The following MIR2052HG variants were observed in gnomAD, a reference collection of about 807,000 sequenced individuals.
MIR2052HG encodes MIR2052 host gene.
chr8:74,719,076 CTT>C (rs56242876), intron 4 of MIR2052HG, among the ~76,000 whole-genome samples: 1,447 of 144,440 alleles, frequency 0.01, 15 homozygotes, highest in African/African-American at 0.028. Context: ...CCGTGTACAT[CTT>C]TTTTTTTTTT....
chr8:74,651,122 C>T (rs933166194), intron 2 of MIR2052HG, among the ~76,000 whole-genome samples: 2 of 148,428 alleles, frequency 1.3e-5, no homozygotes. Context: ...GTAATAAATT[C>T]TTTTTTTTTT....
chr8:74,615,402 C>T (rs1262970039), intron 2 of MIR2052HG, among the ~76,000 whole-genome samples: 1 of 152,208 alleles, frequency 6.6e-6, no homozygotes, highest in African/African-American at 2.4e-5. Context: ...TCATCCCCAT[C>T]TTGAAGATGA....
At chr8:74,673,088 GA>G (rs944151247) in intron 2 of MIR2052HG, among the ~76,000 whole-genome samples, 3 of 151,826 alleles carry the variant, frequency 2.0e-5, no homozygotes, top group Admixed American at 6.6e-5. Context: ...GAGGCAAAAA[GA>G]AAAAAAACAT....
At chr8:74,660,826 A>AT (rs1396744661) in intron 2 of MIR2052HG, among the ~76,000 whole-genome samples, 2 of 77,806 alleles carry the variant, frequency 2.6e-5, no homozygotes, top group African/African-American at 2.1e-4. Flanking sequence ...TAAAAAAGTA[A>AT]TCTTGCTTTC....
chr8:74,680,428 A>T (rs1809110259), intron 2 of MIR2052HG, among the ~76,000 whole-genome samples: 1 of 152,174 alleles, frequency 6.6e-6, no homozygotes, highest in South Asian at 2.1e-4. Flanking sequence ...TTCTCAAAAG[A>T]AGACATTTAT....
chr8:74,667,732 C>G (rs1808946759), intron 2 of MIR2052HG, among the ~76,000 whole-genome samples: 3 of 152,022 alleles, frequency 2.0e-5, no homozygotes, highest in African/African-American at 7.2e-5. Context: ...GTACCAAAGC[C>G]ACAGCTTTAA....
At position 74,702,237 on chromosome 8, in the gene MIR2052HG, C is replaced by T. The variant is rs76687183; in HGVS notation, n.217-142C>T. Reference sequence around the variant, plus strand: ...TGTCAAATGCCTTTATAGGAGTTCACAGAAATGCCAGGTCTTCCATGTGAA... The same window carrying T: ...TGTCAAATGCCTTTATAGGAGTTCATAGAAATGCCAGGTCTTCCATGTGAA... On this transcript the variant is annotated intron_variant and non_coding_transcript_variant, in intron 2 of 6. Coordinates refer to ENST00000523442, the Ensembl canonical transcript of MIR2052HG. The T allele has an allele frequency of 9.4e-3, 1,848 of 197,524 alleles. 38 individuals are homozygous for T. Among genetic ancestry groups the T allele is most frequent in the African/African-American group, 0.04 (1,728 of 42,682 alleles). 12.2% of individuals were successfully genotyped at this position (197,524 alleles called of 1,614,324 possible). A position where few individuals can be genotyped will look rare whatever the true frequency, so the allele number is the denominator to read the frequency against.
intron 2 of MIR2052HG, among the ~76,000 whole-genome samples, chr8:74,650,192 T>C (rs1212372864): frequency 1.3e-5 from 2 of 152,184 alleles, no homozygotes. Flanking sequence ...AATCAGGATA[T>C]GTAAAGGCAG....
intron 2 of MIR2052HG, among the ~76,000 whole-genome samples, chr8:74,689,198 G>T (rs986653978): frequency 6.6e-6 from 1 of 151,898 alleles, no homozygotes; most frequent in African/African-American, 2.4e-5. Flanking sequence ...AAAACGTTTG[G>T]GACAATAGAG....
chr8:74,727,018 A>T (rs750524493), intron 4 of MIR2052HG, among the ~76,000 whole-genome samples: 9 of 152,308 alleles, frequency 5.9e-5, no homozygotes, highest in Non-Finnish European at 1.0e-4. Context: ...ATTGGGAAAA[A>T]ATCCCGTCTG....
At chr8:74,747,814 T>C (rs1809902302) in intron 4 of MIR2052HG, among the ~76,000 whole-genome samples, 1 of 152,190 alleles carries the variant, frequency 6.6e-6, no homozygotes, top group South Asian at 2.1e-4. Context: ...TTTAGTTCTA[T>C]GTCCTTTTCA....
At chr8:74,745,738 A>T (rs764763962) in intron 4 of MIR2052HG, among the ~76,000 whole-genome samples, 1 of 152,216 alleles carries the variant, frequency 6.6e-6, no homozygotes, top group Non-Finnish European at 1.5e-5. Context: ...ATTTCCTCAT[A>T]TGGGAAACCG....
At chr8:74,617,456 GGTGTGTGTGT>G (rs61474557) in intron 2 of MIR2052HG, among the ~76,000 whole-genome samples, 10,925 of 147,324 alleles carry the variant, frequency 0.074, 454 homozygotes, top group South Asian at 0.088. Context: ...TATTCCATTG[GGTGTGTGTGT>G]GTGTGTGTGT....
At chr8:74,626,114 T>C (rs1295021475) in intron 2 of MIR2052HG, among the ~76,000 whole-genome samples, 1 of 152,186 alleles carries the variant, frequency 6.6e-6, no homozygotes, top group African/African-American at 2.4e-5. Flanking sequence ...GGACAACAGC[T>C]GTTGAAGTGG....
intron 2 of MIR2052HG, among the ~76,000 whole-genome samples, chr8:74,616,033 TC>T (rs1017451778): frequency 2.5e-4 from 38 of 152,298 alleles, no homozygotes; most frequent in African/African-American, 8.9e-4. Flanking sequence ...TTGGGTTGGT[TC>T]CAAGTCTTTG....
chr8:74,615,351 A>C (rs1487994785), intron 2 of MIR2052HG, among the ~76,000 whole-genome samples: 2 of 152,160 alleles, frequency 1.3e-5, no homozygotes, highest in Non-Finnish European at 2.9e-5. Context: ...CCTTTCATAG[A>C]ATCAAAGATT....
At chr8:74,712,393 G>A (rs928273902) in intron 4 of MIR2052HG, among the ~76,000 whole-genome samples, 10 of 152,170 alleles carry the variant, frequency 6.6e-5, no homozygotes, top group African/African-American at 2.4e-4. Flanking sequence ...ACTTAAAAAT[G>A]GGAGGAAACT....
At chr8:74,688,313 T>C (rs558422322) in intron 2 of MIR2052HG, among the ~76,000 whole-genome samples, 1 of 152,344 alleles carries the variant, frequency 6.6e-6, no homozygotes, top group African/African-American at 2.4e-5. Flanking sequence ...CATTATTTCA[T>C]TACTTAACTT....
chr8:74,631,665 C>T (rs1461851417), intron 2 of MIR2052HG, among the ~76,000 whole-genome samples: 3 of 152,120 alleles, frequency 2.0e-5, no homozygotes, highest in Non-Finnish European at 4.4e-5. Flanking sequence ...TTAGTTTGGG[C>T]TGCTATAACA....
Sources: gnomAD v4.1 joint callset for allele counts (sites outside exome capture counted in the v4.1 genomes callset) on GRCh38, gnomAD v4.1.1 for gene constraint, MANE v1.5 for transcripts, NCBI Gene and HGNC (gene_info 2026-07-23, HGNC 2026-07-21) for gene names.